The following ZFHX3 variants were observed in gnomAD, a reference collection of about 807,000 sequenced individuals.
The protein encoded by ZFHX3 is zinc finger homeobox 3, also known as zinc finger homeobox protein 3.
ZFHX3 carries 42 observed loss-of-function variants against 279.1 expected under a neutral mutation model. The observed-to-expected ratio is 0.15, with a 90% confidence interval of 0.12 to 0.19. The LOEUF (loss-of-function observed/expected upper bound fraction) is 0.19, where lower values mean the gene tolerates loss of function less well. Ranked by LOEUF, ZFHX3 falls within the 10% of genes least tolerant of loss-of-function variation. The pLI is 1.00. For synonymous variants in ZFHX3, 2,293 were observed against 1,957.8 expected, an observed-to-expected ratio of 1.17 and a Z score of -4.52; for missense variants, 4,981 against 4,754.0, an observed-to-expected ratio of 1.05 and a Z score of -1.40.
At chr16:72,842,605 T>C (rs2037372257) in intron 4 of ZFHX3, among the ~76,000 whole-genome samples, 1 of 152,146 alleles carries the variant, frequency 6.6e-6, no homozygotes, top group African/African-American at 2.4e-5. Flanking sequence ...GATTCTTCAC[T>C]TACCAAGCAA....
chr16:73,404,937 A>T (rs2017329349), intron 3 of ZFHX3, among the ~76,000 whole-genome samples: 1 of 152,180 alleles, frequency 6.6e-6, no homozygotes, highest in African/African-American at 2.4e-5. Flanking sequence ...ACCTCCAAGC[A>T]CTTATGAGCT....
chr16:73,263,386 A>G (rs968087710), intron 4 of ZFHX3, among the ~76,000 whole-genome samples: 5 of 152,168 alleles, frequency 3.3e-5, no homozygotes, highest in African/African-American at 1.2e-4. Context: ...TGGGGGTCAC[A>G]GTATGTTACC....
intron 1 of ZFHX3, among the ~76,000 whole-genome samples, chr16:73,859,051 T>C (rs930987724): frequency 4.6e-5 from 7 of 152,198 alleles, no homozygotes; most frequent in Admixed American, 3.3e-4. Context: ...CCCCATCTTT[T>C]CCCTGGGGAA....
intron 2 of ZFHX3, among the ~76,000 whole-genome samples, chr16:73,519,715 C>T (rs1464509031): frequency 2.6e-5 from 4 of 152,254 alleles, no homozygotes; most frequent in African/African-American, 9.6e-5. Context: ...CCTCAATACT[C>T]CTGTTAGGAG....
chr16:72,991,248 T>C (rs977494900), intron 1 of ZFHX3, among the ~76,000 whole-genome samples: 1 of 152,222 alleles, frequency 6.6e-6, no homozygotes, highest in African/African-American at 2.4e-5. Context: ...GTTAATCTCT[T>C]ACTGTGCCTA....
chr16:73,221,493 C>T (rs2012418326), intron 5 of ZFHX3, among the ~76,000 whole-genome samples: 1 of 152,030 alleles, frequency 6.6e-6, no homozygotes, highest in Non-Finnish European at 1.5e-5. Context: ...AATCACATAT[C>T]ACATTGGGTA....
intron 3 of ZFHX3, chr16:73,402,493 A>T (rs2017276298): frequency 6.6e-6 from 1 of 152,260 alleles, no homozygotes; most frequent in Non-Finnish European, 1.5e-5. Context: ...TGGCTACAAA[A>T]GTCTTTAAAC....
chr16:73,841,923 C>T (rs1253568593), intron 1 of ZFHX3, among the ~76,000 whole-genome samples: 2 of 151,694 alleles, frequency 1.3e-5, no homozygotes, highest in Non-Finnish European at 2.9e-5. Context: ...ATATGAAAAA[C>T]AATGATCACA....
intron 1 of ZFHX3, among the ~76,000 whole-genome samples, chr16:73,839,623 C>T (rs968287579): frequency 1.3e-5 from 2 of 152,160 alleles, no homozygotes; most frequent in Admixed American, 1.3e-4. Context: ...CTTTGTGAAG[C>T]TATCTTGAGT....
intron 2 of ZFHX3, among the ~76,000 whole-genome samples, chr16:73,529,407 C>T (rs1379269684): frequency 6.6e-6 from 1 of 152,206 alleles, no homozygotes; most frequent in Non-Finnish European, 1.5e-5. Flanking sequence ...CAGCGGGTTT[C>T]ACTCATGTGA....
chr16:73,233,770 A>G (rs767395125), intron 5 of ZFHX3: 1 of 152,224 alleles, frequency 6.6e-6, no homozygotes, highest in Non-Finnish European at 1.5e-5. Flanking sequence ...GTTCTCTTTC[A>G]CATGAGTGGA....
intron 2 of ZFHX3, among the ~76,000 whole-genome samples, chr16:73,661,055 C>G (rs749013453): frequency 6.6e-6 from 1 of 152,206 alleles, no homozygotes; most frequent in Non-Finnish European, 1.5e-5. Context: ...GCTTAAACTG[C>G]ACATAACACA....
At chr16:73,634,320 G>A (rs897624090) in intron 2 of ZFHX3, among the ~76,000 whole-genome samples, 1 of 151,206 alleles carries the variant, frequency 6.6e-6, no homozygotes, top group African/African-American at 2.4e-5. Flanking sequence ...CATATAAGTC[G>A]ATGTGACTTA....
At chr16:73,455,887 G>A (rs2018362845) in intron 3 of ZFHX3, 2 of 151,774 alleles carry the variant, frequency 1.3e-5, no homozygotes, top group South Asian at 2.1e-4. Flanking sequence ...ACCGATTTGT[G>A]GCACATGCAC....
intron 5 of ZFHX3, among the ~76,000 whole-genome samples, chr16:73,235,401 C>T (rs552729978): frequency 1.3e-5 from 2 of 152,228 alleles, no homozygotes; most frequent in African/African-American, 4.8e-5. Context: ...TTTATTTTAA[C>T]CACTCTATCC....
Position 72,936,668 on chromosome 16 carries a change from G to A in ZFHX3, c.3216+13801C>T, listed in dbSNP as rs142750641. ...TGGCTGCAGTGTAGGGGGCAAAGGG[G>A]AGAGGGTTGTAAAATGAGGTCAGCA... On this transcript the variant is annotated intron_variant, in intron 3 of 9. Coordinates refer to ENST00000268489, the MANE Select transcript of ZFHX3 (RefSeq NM_006885.4). Among the ~76,000 whole-genome samples the A allele has an allele frequency of 5.2e-3, 786 of 152,306 alleles. 7 individuals carry two copies. Among genetic ancestry groups the A allele is most frequent in the African/African-American group, 0.018 (760 of 41,552 alleles).
At chr16:73,117,564 G>T (rs954387980) in intron 7 of ZFHX3, among the ~76,000 whole-genome samples, 11 of 152,166 alleles carry the variant, frequency 7.2e-5, no homozygotes, top group Admixed American at 7.2e-4. Flanking sequence ...ATTAGTTTTT[G>T]GGGGGATGAG....
At chr16:72,848,308 C>T (rs2037528172) in intron 4 of ZFHX3, among the ~76,000 whole-genome samples, 1 of 152,116 alleles carries the variant, frequency 6.6e-6, no homozygotes, top group Non-Finnish European at 1.5e-5. Context: ...GCTCCCTCTG[C>T]AGCCTATTCA....
In ZFHX3 at chr16:72,795,535, T is replaced by C. The variant is rs537555215; in HGVS notation, c.7147A>G (p.Ser2383Gly). 3.7e-6 allele frequency: 6 copies of C among 1,614,144 alleles called. No individual in the cohort carries two copies. Among genetic ancestry groups the C allele is most frequent in the Non-Finnish European group, 5.1e-6 (6 of 1,180,026 alleles). The change falls in exon 9 of 10, where the codon AGT (serine) becomes GGT (glycine). Residue 2383 changes from serine to glycine, a missense_variant. By Grantham distance (56) the Ser-to-Gly change is moderately conservative. Transcript: ENST00000268489. ...EILTPTSSSCSTPMPSQAYSA... is the reference protein window; with the variant it reads ...EILTPTSSSCGTPMPSQAYSA... ...TAAGCCTGTGAGGGCATCGGGGTACTGCAGGATGAGCTGGTAGGCGTCAGG... is the reference window on the plus strand; with the variant it reads ...TAAGCCTGTGAGGGCATCGGGGTACCGCAGGATGAGCTGGTAGGCGTCAGG...
Sources: allele counts gnomAD v4.1 joint callset (sites outside exome capture counted in the v4.1 genomes callset), GRCh38; gene constraint gnomAD v4.1.1; transcripts MANE v1.5; gene names NCBI Gene and HGNC (gene_info 2026-07-23, HGNC 2026-07-21).